The following NMNAT3 variants were observed in gnomAD, a reference collection of about 807,000 sequenced individuals.
The protein encoded by NMNAT3 is nicotinamide nucleotide adenylyltransferase 3.
In NMNAT3, 21 loss-of-function variants were observed where a neutral mutation model predicts 24.8. That is an observed-to-expected ratio of 0.85 (90% CI 0.60 to 1.22). The LOEUF (loss-of-function observed/expected upper bound fraction) is 1.22, where lower values mean the gene tolerates loss of function less well. Ranked by LOEUF, NMNAT3 falls within the 50% of genes most tolerant of loss-of-function variation. The pLI is 0.00. For synonymous variants in NMNAT3, 136 were observed against 155.2 expected, an observed-to-expected ratio of 0.88 and a Z score of 0.92; for missense variants, 387 against 436.6, an observed-to-expected ratio of 0.89 and a Z score of 1.01.
At chr3:139,584,934 C>T (rs541520408) in intron 3 of NMNAT3, among the ~76,000 whole-genome samples, 58 of 151,564 alleles carry the variant, frequency 3.8e-4, no homozygotes, top group Middle Eastern at 6.8e-3. Context: ...GTGGATTTTC[C>T]GTTTTTCTTT....
At chr3:139,596,916 G>GTGTGTGTATATATATA (rs1393197797) in intron 3 of NMNAT3, among the ~76,000 whole-genome samples, 2 of 97,188 alleles carry the variant, frequency 2.1e-5, no homozygotes, top group African/African-American at 8.2e-5. Context: ...TGTCATGTGT[G>GTGTGTGTATATATATA]TATATATATA....
At chr3:139,668,931 T>C (rs1480438967) in intron 1 of NMNAT3, among the ~76,000 whole-genome samples, 2 of 152,208 alleles carry the variant, frequency 1.3e-5, no homozygotes, top group Non-Finnish European at 2.9e-5. Context: ...AACACTAAGA[T>C]CTTGAATTCT....
chr3:139,604,978 T>C (rs1026383094), intron 3 of NMNAT3, among the ~76,000 whole-genome samples: 1 of 152,200 alleles, frequency 6.6e-6, no homozygotes, highest in Non-Finnish European at 1.5e-5. Flanking sequence ...AAGTATGCAA[T>C]GAGGAACTGC....
At chr3:139,591,445 C>A (rs1340151241) in intron 3 of NMNAT3, among the ~76,000 whole-genome samples, 1 of 152,128 alleles carries the variant, frequency 6.6e-6, no homozygotes, top group Non-Finnish European at 1.5e-5. Flanking sequence ...AGCCGGGAAG[C>A]TCGAACTGGG....
intron 3 of NMNAT3, among the ~76,000 whole-genome samples, chr3:139,583,805 C>T (rs950963467): frequency 6.6e-6 from 1 of 152,260 alleles, no homozygotes; most frequent in Admixed American, 6.5e-5. Context: ...TGCGAGTCCT[C>T]GAACAGCTCC....
intron 4 of NMNAT3, among the ~76,000 whole-genome samples, chr3:139,579,324 C>T (rs1012486040): frequency 2.0e-5 from 3 of 152,110 alleles, no homozygotes; most frequent in South Asian, 2.1e-4. Context: ...GTGAGGGTGG[C>T]GCTCAGGCAA....
chr3:139,639,699 T>C (rs2056632874), intron 1 of NMNAT3, among the ~76,000 whole-genome samples: 1 of 152,188 alleles, frequency 6.6e-6, no homozygotes, highest in Non-Finnish European at 1.5e-5. Flanking sequence ...CCATGAGTAA[T>C]AAAGTCTTTT....
intron 6 of NMNAT3, among the ~76,000 whole-genome samples, chr3:139,571,879 G>C (rs1163387595): frequency 6.6e-6 from 1 of 152,188 alleles, no homozygotes; most frequent in African/African-American, 2.4e-5. Context: ...GCCTCAGTGT[G>C]TTGTCCCTCC....
intron 3 of NMNAT3, among the ~76,000 whole-genome samples, chr3:139,593,264 A>G (rs535487465): frequency 1.3e-5 from 2 of 152,366 alleles, no homozygotes; most frequent in South Asian, 4.1e-4. Context: ...AGAAGAGCTA[A>G]CTATCCTAAA....
intron 2 of NMNAT3, among the ~76,000 whole-genome samples, chr3:139,628,586 G>C (rs2108313736): frequency 6.6e-6 from 1 of 152,294 alleles, no homozygotes; most frequent in East Asian, 1.9e-4. Context: ...CATTTTGAGA[G>C]GGTGCAGCCC....
chr3:139,569,248 G>C (rs923755474), intron 6 of NMNAT3: 1 of 147,120 alleles, frequency 6.8e-6, no homozygotes, highest in Non-Finnish European at 1.5e-5. Flanking sequence ...CTGCCCGTGA[G>C]ATGGGTTTCC....
At chr3:139,587,710 C>A (rs1388457255) in intron 3 of NMNAT3, among the ~76,000 whole-genome samples, 4 of 152,144 alleles carry the variant, frequency 2.6e-5, no homozygotes, top group African/African-American at 7.2e-5. Flanking sequence ...TTATAGAAAG[C>A]AAAGTAAGTT....
chr3:139,579,757 C>A (rs935756365), intron 4 of NMNAT3, among the ~76,000 whole-genome samples: 2 of 152,160 alleles, frequency 1.3e-5, no homozygotes, highest in Non-Finnish European at 2.9e-5. Flanking sequence ...TTGCAGCTAG[C>A]CTAGTCTATC....
intron 3 of NMNAT3, among the ~76,000 whole-genome samples, chr3:139,623,002 T>G (rs2055874163): frequency 6.6e-6 from 1 of 150,980 alleles, no homozygotes; most frequent in Non-Finnish European, 1.5e-5. Flanking sequence ...TAAACACTGT[T>G]TATTTAAACT....
chr3:139,563,983 C>G (rs1038262153), intron 6 of NMNAT3, among the ~76,000 whole-genome samples: 1 of 152,132 alleles, frequency 6.6e-6, no homozygotes, highest in Non-Finnish European at 1.5e-5. Context: ...TTTACATAGA[C>G]TGTGAGGGAA....
At chr3:139,615,347 T>C (rs2055434924) in intron 3 of NMNAT3, among the ~76,000 whole-genome samples, 1 of 152,182 alleles carries the variant, frequency 6.6e-6, no homozygotes, top group East Asian at 1.9e-4. Context: ...TACAACTATT[T>C]CTAGGCTCTC....
chr3:139,646,748 G>A (rs2056884381), intron 1 of NMNAT3, among the ~76,000 whole-genome samples: 1 of 152,238 alleles, frequency 6.6e-6, no homozygotes, highest in Admixed American at 6.5e-5. Context: ...CTATGAAATT[G>A]GGAAATGGAG....
chr3:139,592,672 C>T (rs893904043), intron 3 of NMNAT3, among the ~76,000 whole-genome samples: 6 of 151,972 alleles, frequency 3.9e-5, no homozygotes, highest in Admixed American at 3.3e-4. Context: ...ATTCAACATT[C>T]TTAAAGAAAA....
At chr3:139,565,794 G>A (rs1374312342) in intron 6 of NMNAT3, 4 of 152,122 alleles carry the variant, frequency 2.6e-5, no homozygotes, top group Non-Finnish European at 5.9e-5. Context: ...CCAAGTCTTC[G>A]CTATTGTGAA....
Sources: allele counts gnomAD v4.1 joint callset (sites outside exome capture counted in the v4.1 genomes callset), GRCh38; gene constraint gnomAD v4.1.1; transcripts MANE v1.5; gene names NCBI Gene and HGNC (gene_info 2026-07-23, HGNC 2026-07-21).